The following ZC3H12B variants were observed in gnomAD, a reference collection of about 807,000 sequenced individuals.
ZC3H12B encodes probable ribonuclease ZC3H12B.
Under a neutral mutation model 43.9 loss-of-function variants are expected in ZC3H12B, and 7 were observed. That is an observed-to-expected ratio of 0.16 (90% CI 0.09 to 0.30). The LOEUF (loss-of-function observed/expected upper bound fraction) is 0.30, where lower values mean the gene tolerates loss of function less well. Ranked by LOEUF, ZC3H12B falls within the 10% of genes least tolerant of loss-of-function variation. The pLI, the probability that ZC3H12B is intolerant of heterozygous loss-of-function variation, is 1.00. For missense variants in ZC3H12B, 475 were observed against 670.2 expected, an observed-to-expected ratio of 0.71 and a Z score of 3.22; for synonymous variants, 222 against 241.7, an observed-to-expected ratio of 0.92 and a Z score of 0.76.
At chrX:65,155,631 A>G in the ZC3H12B span, among the ~76,000 whole-genome samples, 1 of 111,376 alleles carries the variant, frequency 9.0e-6, no homozygotes, top group Non-Finnish European at 1.9e-5. Flanking sequence ...AGGCAGGAGG[A>G]TCCATTGAGC....
intron 1 of ZC3H12B, among the ~76,000 whole-genome samples, chrX:65,368,171 C>T (rs1168781028): frequency 3.6e-5 from 4 of 111,784 alleles, no homozygotes; most frequent in African/African-American, 9.7e-5. Flanking sequence ...AAAGGGATGG[C>T]TATTCTTATT....
the ZC3H12B span, among the ~76,000 whole-genome samples, chrX:65,091,586 G>C: frequency 9.0e-6 from 1 of 111,626 alleles, no homozygotes; most frequent in African/African-American, 3.3e-5. Flanking sequence ...ACTAGCTATG[G>C]ACAAGGTGTG....
At chrX:65,317,868 T>C in the ZC3H12B span, among the ~76,000 whole-genome samples, 55 of 102,187 alleles carry the variant, frequency 5.4e-4, no homozygotes, top group South Asian at 8.6e-3. Flanking sequence ...TATATATATA[T>C]ACATATATAT....
chrX:65,206,297 A>G, the ZC3H12B span, among the ~76,000 whole-genome samples: 2 of 112,171 alleles, frequency 1.8e-5, no homozygotes, highest in African/African-American at 3.2e-5. Flanking sequence ...ACAGCAAGGT[A>G]CTGGCATAAA....
At chrX:65,392,144 G>T (rs907010959) in intron 2 of ZC3H12B, among the ~76,000 whole-genome samples, 2 of 111,571 alleles carry the variant, frequency 1.8e-5, no homozygotes, top group African/African-American at 6.5e-5. Context: ...GCCTGCCTTG[G>T]CCTCCCAAAG....
chrX:65,075,997 G>T, the ZC3H12B span, among the ~76,000 whole-genome samples: 1 of 111,322 alleles, frequency 9.0e-6, no homozygotes, highest in Non-Finnish European at 1.9e-5. Context: ...CTAGTTTCTG[G>T]ATTTCTCTTG....
the ZC3H12B span, among the ~76,000 whole-genome samples, chrX:65,342,441 T>A: frequency 8.9e-6 from 1 of 112,081 alleles, no homozygotes; most frequent in South Asian, 3.6e-4. Context: ...GAAAAAGAAC[T>A]GAAATCATAA....
chrX:65,379,964 A>G (rs986218193), intron 2 of ZC3H12B, among the ~76,000 whole-genome samples: 20 of 112,376 alleles, frequency 1.8e-4, no homozygotes, highest in African/African-American at 6.5e-4. Flanking sequence ...ATGTGAAAAG[A>G]CCAAATCTAC....
chrX:65,107,872 AT>A, the ZC3H12B span, among the ~76,000 whole-genome samples: 2 of 111,269 alleles, frequency 1.8e-5, no homozygotes, highest in Non-Finnish European at 3.8e-5. Flanking sequence ...TTATAGCAGC[AT>A]TAGAATGGAC....
At chrX:65,362,432 G>A (rs960457358), upstream of ZC3H12B, among the ~76,000 whole-genome samples, 9 of 110,710 alleles carry the variant, frequency 8.1e-5, no homozygotes, top group Non-Finnish European at 1.5e-4. Flanking sequence ...CTCCTTTTTA[G>A]TTATCCCCAC....
At chrX:65,197,974 A>G in the ZC3H12B span, among the ~76,000 whole-genome samples, 1 of 112,331 alleles carries the variant, frequency 8.9e-6, no homozygotes, top group African/African-American at 3.2e-5. Flanking sequence ...CAACTTCAGC[A>G]ATTGCTAGAT....
the ZC3H12B span, among the ~76,000 whole-genome samples, chrX:65,327,388 A>G: frequency 9.0e-6 from 1 of 111,612 alleles, no homozygotes. Context: ...TTCCTAAAAG[A>G]TTGATTCTTC....
At chrX:65,353,229 T>C in the ZC3H12B span, among the ~76,000 whole-genome samples, 1 of 111,091 alleles carries the variant, frequency 9.0e-6, no homozygotes, top group Non-Finnish European at 1.9e-5. Flanking sequence ...TACGACAGGG[T>C]ACTTAATAAA....
At chrX:65,281,806 T>A in the ZC3H12B span, among the ~76,000 whole-genome samples, 3 of 111,305 alleles carry the variant, frequency 2.7e-5, no homozygotes, top group Non-Finnish European at 5.7e-5. Flanking sequence ...GGCAACAAAA[T>A]CAAAGATGAA....
chrX:65,081,861 A>G, the ZC3H12B span, among the ~76,000 whole-genome samples: 1 of 112,100 alleles, frequency 8.9e-6, no homozygotes, highest in East Asian at 2.8e-4. Context: ...ATCATTCTCA[A>G]GGATAGACCA....
the ZC3H12B span, among the ~76,000 whole-genome samples, chrX:65,147,745 C>T: frequency 3.6e-5 from 4 of 110,863 alleles, no homozygotes; most frequent in African/African-American, 9.9e-5. Context: ...CTGAACCCAA[C>T]GTCTACTGGA....
chrX:65,427,577 C>T (rs2067099402), intron 3 of ZC3H12B, among the ~76,000 whole-genome samples: 1 of 110,970 alleles, frequency 9.0e-6, no homozygotes, highest in Admixed American at 9.6e-5. Flanking sequence ...TATCCACCCA[C>T]CTTGGCCTCC....
chrX:65,404,384 T>G (rs976439408), intron 3 of ZC3H12B, among the ~76,000 whole-genome samples: 7 of 111,834 alleles, frequency 6.3e-5, no homozygotes, highest in African/African-American at 2.3e-4. Context: ...TGACTGTAAA[T>G]GAACTAAAGT....
chrX:65,458,812 G>A (rs996952486), intron 3 of ZC3H12B, among the ~76,000 whole-genome samples: 2 of 111,317 alleles, frequency 1.8e-5, no homozygotes, highest in African/African-American at 6.6e-5. Flanking sequence ...AGAGAAGCAA[G>A]AGGAAACGCA....
Sources: allele counts gnomAD v4.1 joint callset (sites outside exome capture counted in the v4.1 genomes callset), GRCh38; gene constraint gnomAD v4.1.1; transcripts MANE v1.5; gene names NCBI Gene and HGNC (gene_info 2026-07-23, HGNC 2026-07-21).